ARMC1: variants seen among roughly 807,000 people sequenced by gnomAD.
The protein encoded by ARMC1 is armadillo repeat containing 1.
Under a neutral mutation model 31.4 loss-of-function variants are expected in ARMC1, and 16 were observed. That is an observed-to-expected ratio of 0.51 (90% CI 0.34 to 0.77). ARMC1 has a LOEUF of 0.77. ARMC1 is among the 30% of genes least tolerant of loss of function. The pLI is 0.01. For synonymous variants in ARMC1, 114 were observed against 118.9 expected (o/e 0.96, Z 0.27); for missense variants, 259 against 347.5 (o/e 0.75, Z 2.02).
At chr8:65,625,591 C>A (rs745437774) in intron 2 of ARMC1, among the ~76,000 whole-genome samples, 1 of 152,196 alleles carries the variant, frequency 6.6e-6, no homozygotes, top group East Asian at 1.9e-4. Flanking sequence ...CCCCAAGTCC[C>A]TATCTATAGA....
chr8:65,630,168 G>A (rs557282686), intron 1 of ARMC1, among the ~76,000 whole-genome samples: 22 of 152,114 alleles, frequency 1.4e-4, no homozygotes, highest in African/African-American at 5.1e-4. Context: ...AAAAATCGCT[G>A]TGAGTAAATT....
rs77571043 is a variant in ARMC1, at chr8:65,627,444, G to T, written c.-35-11C>A. The stretch of plus-strand genomic sequence containing the variant: ...ATAAAATCTTAAATTCTGTAGAAAA[G>T]GTTTGCAGAATTAGTTCTAGGCTGC... On this transcript the variant is annotated splice_polypyrimidine_tract_variant and intron_variant, in intron 1 of 6. Coordinates refer to ENST00000276569, the MANE Select transcript of ARMC1 (RefSeq NM_018120.6). The T allele has an allele frequency of 6.8e-7, 1 of 1,467,532 alleles. No individual in the cohort carries two copies. The highest frequency in any genetic ancestry group is 1.4e-5 in the African/African-American group (1 of 70,880). 90.9% of individuals were successfully genotyped at this position (1,467,532 alleles called of 1,614,324 possible).
chr8:65,614,547 G>C (rs532101525), intron 3 of ARMC1, among the ~76,000 whole-genome samples: 13 of 152,260 alleles, frequency 8.5e-5, no homozygotes, highest in Admixed American at 5.9e-4. Flanking sequence ...GTAACTGTAA[G>C]AAAAGAATCC....
At chr8:65,605,765 T>C (rs1807989278) in intron 4 of ARMC1, among the ~76,000 whole-genome samples, 1 of 151,650 alleles carries the variant, frequency 6.6e-6, no homozygotes, top group Admixed American at 6.5e-5. Flanking sequence ...AATACTAATA[T>C]GTAGTTTTAA....
rs1807944926 is a variant in ARMC1, at chr8:65,603,868, A to T, written c.*526T>A. The T allele has an allele frequency of 6.5e-6, 1 of 152,752 alleles. No individual in the cohort carries two copies. The highest frequency in any genetic ancestry group is 1.5e-5 in the Non-Finnish European group (1 of 68,132). The allele number at this position is 152,752 out of a possible 1,614,324, so 9.5% of individuals were successfully genotyped here. ...ATGTCATTAGTAATGTCCTTTCTAT[A>T]AACACGGTTGGCAAAATAAAAAGGC... On this transcript the variant is annotated 3_prime_UTR_variant, in exon 7 of 7. Coordinates refer to ENST00000276569, the MANE Select transcript of ARMC1 (RefSeq NM_018120.6).
chr8:65,630,933 C>T (rs2129044634), intron 1 of ARMC1, among the ~76,000 whole-genome samples: 1 of 152,330 alleles, frequency 6.6e-6, no homozygotes, highest in East Asian at 1.9e-4. Context: ...GCAGTTGGTG[C>T]TCTGTATCCA....
At position 65,618,768 on chromosome 8, in the gene ARMC1, G is replaced by A. The variant is rs185137251; in HGVS notation, c.275+3495C>T. Among the ~76,000 whole-genome samples, 145 of 152,162 alleles carry A rather than the reference G, an allele frequency of 9.5e-4. 2 individuals carry two copies. Among genetic ancestry groups the A allele is most frequent in the Non-Finnish European group, 2.9e-5 (2 of 68,016 alleles). ...TAATAAAAAGGTAACTGTCGGGCCG[G>A]GGCGGTGGTTTACACCTGTAATCCC... On this transcript the variant is annotated intron_variant, in intron 3 of 6. Transcript: ENST00000276569.
chr8:65,631,293 G>T (rs971401322), intron 1 of ARMC1, among the ~76,000 whole-genome samples: 2 of 152,286 alleles, frequency 1.3e-5, no homozygotes, highest in East Asian at 3.9e-4. Context: ...GGAGTGGCGT[G>T]GTACGATTTC....
In ARMC1 at chr8:65,604,274, G is replaced by A. The variant is rs751496631; in HGVS notation, c.*120C>T. On this transcript the variant is annotated 3_prime_UTR_variant, in exon 7 of 7. Transcript: ENST00000276569. ...ATAAAACGTGAAATGCAGCATATGC[G>A]ATCGTGTAATCTAAAAACTTTTCAT... is the stretch of plus-strand genomic sequence containing the variant. The A allele has an allele frequency of 4.2e-5, 37 of 884,990 alleles. No individual in the cohort carries two copies. Among genetic ancestry groups the A allele is most frequent in the Non-Finnish European group, 5.9e-5 (34 of 580,988 alleles). 54.8% of individuals were successfully genotyped at this position (884,990 alleles called of 1,614,324 possible).
chr8:65,631,250 G>T (rs1038767121), intron 1 of ARMC1, among the ~76,000 whole-genome samples: 4 of 152,028 alleles, frequency 2.6e-5, no homozygotes, highest in Non-Finnish European at 4.4e-5. Context: ...GAATTTTTGG[G>T]GGGGAACAGG....
At chr8:65,627,155 C>A (rs1421202694) in intron 2 of ARMC1, 61 bp downstream of exon 2, 1 of 1,466,806 alleles carries the variant, frequency 6.8e-7, no homozygotes, top group Non-Finnish European at 9.1e-7. Context: ...AGCACTTTTT[C>A]CAAATTCTCA....
chr8:65,616,670 T>A (rs1323023853), intron 3 of ARMC1, among the ~76,000 whole-genome samples: 1 of 133,892 alleles, frequency 7.5e-6, no homozygotes, highest in African/African-American at 2.9e-5. Context: ...CCGGCCGCCA[T>A]CACGTCTAGG....
chr8:65,609,857 C>CAAA (rs35519675), intron 4 of ARMC1, among the ~76,000 whole-genome samples: 1 of 93,044 alleles, frequency 1.1e-5, no homozygotes, highest in African/African-American at 4.4e-5. Flanking sequence ...GACTCTGTCT[C>CAAA]AAAAAAAAAA....
Position 65,613,282 on chromosome 8 carries a change from T to G in ARMC1, c.427A>C (p.Lys143Gln), listed in dbSNP as rs1808181153. The G allele has an allele frequency of 6.2e-7, 1 of 1,611,372 alleles. No homozygotes were observed. Among genetic ancestry groups the G allele is most frequent in the African/African-American group, 1.3e-5 (1 of 74,848 alleles). Residue 143 changes from lysine (K) to glutamine (Q), a missense_variant, in exon 4 of 7, where the codon AAA (lysine) becomes CAA (glutamine). Coordinates refer to ENST00000276569, the MANE Select transcript of ARMC1 (RefSeq NM_018120.6). Reference sequence around the variant, plus strand: ...CCATCTATATGCAAAACCACTGTTTTGGCACGTTTGTTTGTAGTTCCCAGA... The same window carrying G: ...CCATCTATATGCAAAACCACTGTTTGGGCACGTTTGTTTGTAGTTCCCAGA... ...FFLGTTNKRA[K>Q]TVVLHIDGLD...
intron 3 of ARMC1, 47 bp from the exon 4 acceptor site, chr8:65,613,480 T>G (rs767975880): frequency 7.5e-7 from 1 of 1,335,502 alleles, no homozygotes; most frequent in South Asian, 1.6e-5. Context: ...TTCTACTGAT[T>G]CTGTAATTTT....
chr8:65,609,140 T>TC (rs1808068425), intron 4 of ARMC1, among the ~76,000 whole-genome samples: 1 of 149,908 alleles, frequency 6.7e-6, no homozygotes, highest in South Asian at 2.1e-4. Flanking sequence ...GCTCTTTTTT[T>TC]TTTTTTTTTT....
intron 6 of ARMC1, 62 bp from the exon 7 acceptor site, chr8:65,604,647 T>TGAGAATAACCAC: frequency 1.4e-6 from 2 of 1,473,860 alleles, no homozygotes; most frequent in Non-Finnish European, 1.9e-6. Flanking sequence ...CTAATTACCG[T>TGAGAATAACCAC]GGTTATTCTC....
Position 65,627,415 on chromosome 8 carries a change from A to G in ARMC1, c.-17T>C, listed in dbSNP as rs370576886. On this transcript the variant is annotated 5_prime_UTR_variant, in exon 2 of 7. An upstream start codon of the reference 5' UTR is lost. Coordinates refer to ENST00000276569, the MANE Select transcript of ARMC1 (RefSeq NM_018120.6). The stretch of plus-strand genomic sequence containing the variant: ...AGAATTCATCTTCTATGCCATGCAC[A>G]TGAATAAAATCTTAAATTCTGTAGA... 7 of 1,533,664 alleles carry G rather than the reference A, an allele frequency of 4.6e-6. No individual in the cohort carries two copies. Among genetic ancestry groups the G allele is most frequent in the African/African-American group, 2.8e-5 (2 of 72,140 alleles).
At chr8:65,614,289 C>G (rs1300837557) in intron 3 of ARMC1, among the ~76,000 whole-genome samples, 1 of 152,192 alleles carries the variant, frequency 6.6e-6, no homozygotes, top group African/African-American at 2.4e-5. Context: ...AATCCTACTA[C>G]AGATCCTCAC....
Sources: gnomAD v4.1 joint callset for allele counts (sites outside exome capture counted in the v4.1 genomes callset) on GRCh38, gnomAD v4.1.1 for gene constraint, MANE v1.5 for transcripts, NCBI Gene and HGNC (gene_info 2026-07-23, HGNC 2026-07-21) for gene names.